Variants in FRMPD4 observed in about 807,000 individuals in gnomAD.
FRMPD4 encodes FERM and PDZ domain containing 4.
Under a neutral mutation model 94.1 loss-of-function variants are expected in FRMPD4, and 22 were observed. The ratio of observed to expected loss-of-function variants is 0.23; its 90% CI spans 0.17 to 0.33. The LOEUF (loss-of-function observed/expected upper bound fraction) is 0.33, where lower values mean the gene tolerates loss of function less well. Ranked by LOEUF, FRMPD4 falls within the 10% of genes least tolerant of loss-of-function variation. The pLI, the probability that FRMPD4 is intolerant of heterozygous loss-of-function variation, is 1.00. For synonymous variants in FRMPD4, 631 were observed against 548.6 expected (o/e 1.15, Z -2.10); for missense variants, 1,111 against 1,339.9 (o/e 0.83, Z 2.67).
chrX:12,041,578 A>G (rs2054756110), intron 3 of FRMPD4, among the ~76,000 whole-genome samples: 1 of 105,571 alleles, frequency 9.5e-6, no homozygotes, highest in Non-Finnish European at 2.0e-5. Context: ...TGCTTTCAAG[A>G]TTTTCTCTTT....
intron 1 of FRMPD4, among the ~76,000 whole-genome samples, chrX:12,448,691 C>T (rs1040275428): frequency 1.8e-5 from 2 of 112,404 alleles, no homozygotes; most frequent in East Asian, 5.6e-4. Context: ...TCATAGGTCG[C>T]TTGTACTGAA....
intron 2 of FRMPD4, among the ~76,000 whole-genome samples, chrX:12,597,523 AGCAT>A (rs1292451125): frequency 8.9e-6 from 1 of 112,469 alleles, no homozygotes; most frequent in East Asian, 2.8e-4. Flanking sequence ...TGAAGTGGAA[AGCAT>A]GACTGGAAAA....
intron 1 of FRMPD4, among the ~76,000 whole-genome samples, chrX:12,352,063 T>C (rs1473687006): frequency 8.9e-6 from 1 of 112,057 alleles, no homozygotes; most frequent in Non-Finnish European, 1.9e-5. Flanking sequence ...GGCTCAGCTT[T>C]AGTATTGACT....
At chrX:11,873,717 T>TAA (rs200390595) in intron 2 of FRMPD4, among the ~76,000 whole-genome samples, 5 of 107,094 alleles carry the variant, frequency 4.7e-5, no homozygotes, top group African/African-American at 1.7e-4. Flanking sequence ...TTTTTTTTTT[T>TAA]AAAAAAAAGA....
intron 1 of FRMPD4, among the ~76,000 whole-genome samples, chrX:12,437,492 T>G (rs1313017355): frequency 1.8e-5 from 2 of 110,735 alleles, no homozygotes; most frequent in East Asian, 5.6e-4. Flanking sequence ...TAGTCCTAAC[T>G]CCTGCTGTGC....
chrX:12,342,428 G>A (rs1269017139), intron 1 of FRMPD4, among the ~76,000 whole-genome samples: 1 of 111,475 alleles, frequency 9.0e-6, no homozygotes, highest in African/African-American at 3.3e-5. Flanking sequence ...ACTTTCCCAG[G>A]GTAACAACTA....
At chrX:12,243,932 A>T (rs971284271) in intron 1 of FRMPD4, among the ~76,000 whole-genome samples, 6 of 103,351 alleles carry the variant, frequency 5.8e-5, no homozygotes, top group Non-Finnish European at 5.9e-5. Context: ...AGTAGCTGGG[A>T]CTACAGGCAT....
chrX:11,996,833 G>T (rs1022403710), intron 3 of FRMPD4, among the ~76,000 whole-genome samples: 1 of 111,710 alleles, frequency 9.0e-6, no homozygotes, highest in African/African-American at 3.2e-5. Context: ...CAAGGTAGCT[G>T]GGAAGACAAG....
chrX:12,644,649 A>T (rs899569602), intron 4 of FRMPD4, among the ~76,000 whole-genome samples: 1 of 111,678 alleles, frequency 9.0e-6, no homozygotes, highest in East Asian at 2.8e-4. Flanking sequence ...TACTCTGCCC[A>T]GGCTGAATGG....
At chrX:12,198,004 C>A in intron 1 of FRMPD4, among the ~76,000 whole-genome samples, 1 of 112,027 alleles carries the variant, frequency 8.9e-6, no homozygotes, top group Non-Finnish European at 1.9e-5. Flanking sequence ...TTACTCAGCA[C>A]ACATTTTAAA....
At chrX:12,094,978 A>G (rs2055186066) in intron 3 of FRMPD4, among the ~76,000 whole-genome samples, 1 of 111,494 alleles carries the variant, frequency 9.0e-6, no homozygotes, top group South Asian at 3.8e-4. Context: ...TTGGAAGCAA[A>G]CTCCATCATC....
chrX:11,847,304 G>C (rs1341716144), intron 1 of FRMPD4, among the ~76,000 whole-genome samples: 5 of 107,035 alleles, frequency 4.7e-5, no homozygotes, highest in Non-Finnish European at 9.7e-5. Flanking sequence ...CTGGCCATCA[G>C]AGAAATGCAA....
chrX:12,204,588 A>G (rs2056669346), intron 1 of FRMPD4, among the ~76,000 whole-genome samples: 1 of 110,829 alleles, frequency 9.0e-6, no homozygotes, highest in Non-Finnish European at 1.9e-5. Context: ...TGATTTTCGA[A>G]GCCTCCTTCC....
In FRMPD4 at chrX:12,686,082, T is replaced by A. The variant is rs768501873; in HGVS notation, c.574-15T>A. On this transcript the variant is annotated splice_polypyrimidine_tract_variant and intron_variant, in intron 6 of 16. Coordinates refer to ENST00000675598, the MANE Select transcript of FRMPD4 (RefSeq NM_001368397.1). Reference sequence around the variant, plus strand: ...TTTGATCAATTTATGCCCTGCCCTTTTTTTTGTTAAACAGGAAACTGTTAA... The same window carrying A: ...TTTGATCAATTTATGCCCTGCCCTTATTTTTGTTAAACAGGAAACTGTTAA... 6 of 925,372 alleles carry A rather than the reference T, an allele frequency of 6.5e-6. No individual in the cohort carries two copies. In the East Asian group the frequency reaches 1.2e-4, roughly 19 times the overall value. The allele number at this position is 925,372 out of a possible 1,213,427, so 76.3% of individuals were successfully genotyped here.
intron 4 of FRMPD4, among the ~76,000 whole-genome samples, chrX:12,670,017 A>G (rs1375370926): frequency 4.4e-5 from 5 of 112,420 alleles, no homozygotes; most frequent in Non-Finnish European, 7.5e-5. Context: ...GTCCTTCTCC[A>G]GGGCCTTGCC....
intron 2 of FRMPD4, among the ~76,000 whole-genome samples, chrX:12,560,834 A>G (rs1436100444): frequency 1.3e-5 from 1 of 79,894 alleles, no homozygotes; most frequent in East Asian, 4.0e-4. Flanking sequence ...CAGTGGCGGG[A>G]TCTCGGCTCA....
At chrX:12,528,767 A>G (rs2058254567) in intron 2 of FRMPD4, among the ~76,000 whole-genome samples, 1 of 112,207 alleles carries the variant, frequency 8.9e-6, no homozygotes, top group East Asian at 2.8e-4. Context: ...TCTTTGAATC[A>G]TCTTGACCGT....
chrX:11,930,571 G>A (rs2054117497), intron 3 of FRMPD4, among the ~76,000 whole-genome samples: 1 of 111,641 alleles, frequency 9.0e-6, no homozygotes, highest in African/African-American at 3.3e-5. Flanking sequence ...CAGAGACAGT[G>A]CAACCTTATA....
At chrX:12,130,240 A>G (rs920190311) in intron 3 of FRMPD4, among the ~76,000 whole-genome samples, 1 of 111,767 alleles carries the variant, frequency 8.9e-6, no homozygotes, top group Non-Finnish European at 1.9e-5. Context: ...AATATCTTCC[A>G]GGGCCAAGCC....
Sources: allele counts gnomAD v4.1 joint callset (sites outside exome capture counted in the v4.1 genomes callset), GRCh38; gene constraint gnomAD v4.1.1; transcripts MANE v1.5; gene names NCBI Gene and HGNC (gene_info 2026-07-23, HGNC 2026-07-21).